ERLIN2: variants seen among roughly 807,000 people sequenced by gnomAD.
ERLIN2 encodes ER lipid raft associated 2, also known as erlin-2.
A neutral mutation model predicts 41.5 loss-of-function variants in ERLIN2; 22 were observed. That is an observed-to-expected ratio of 0.53 (90% CI 0.38 to 0.76). The LOEUF (loss-of-function observed/expected upper bound fraction) is 0.76. Among genes scored for constraint, ERLIN2 ranks in the 30% least tolerant of loss-of-function variants. ERLIN2 has a pLI of 0.00. For missense variants in ERLIN2, 247 were observed against 414.3 expected, an observed-to-expected ratio of 0.60 and a Z score of 3.51; for synonymous variants, 149 against 150.9, an observed-to-expected ratio of 0.99 and a Z score of 0.09.
At chr8:37,737,738 T>G in intron 1 of ERLIN2, 170 bp from the exon 2 acceptor site, 1 of 701,114 alleles carries the variant, frequency 1.4e-6, no homozygotes, top group South Asian at 1.8e-5. Flanking sequence ...AAGGGGAACG[T>G]TGACTGAGAA....
chr8:37,744,497 A>G, intron 5 of ERLIN2, 74 bp from the exon 6 acceptor site: 2 of 1,611,638 alleles, frequency 1.2e-6, no homozygotes, highest in South Asian at 2.2e-5. Context: ...CACCTTGGAA[A>G]AGGAGAGCTG....
At chr8:37,753,851 C>A in intron 11 of ERLIN2, 64 bp from the exon 12 acceptor site, 1 of 1,393,530 alleles carries the variant, frequency 7.2e-7, no homozygotes, top group Non-Finnish European at 1.0e-6. Flanking sequence ...TGAAGGGGCA[C>A]CACTCCCCTC....
chr8:37,750,974 C>T (rs1437606331), intron 9 of ERLIN2, among the ~76,000 whole-genome samples: 2 of 152,202 alleles, frequency 1.3e-5, no homozygotes, highest in Admixed American at 6.5e-5. Context: ...CCACCTCAGC[C>T]TCCCAAAGTG....
intron 9 of ERLIN2, 34 bp from the exon 10 acceptor site, chr8:37,751,592 G>T (rs1206172520): frequency 1.3e-6 from 2 of 1,561,966 alleles, no homozygotes; most frequent in Admixed American, 3.3e-5. Context: ...ACTCTGAAAT[G>T]CCAGAACCGT....
At chr8:37,743,200 C>A (rs113839487) in intron 4 of ERLIN2, among the ~76,000 whole-genome samples, 1 of 152,154 alleles carries the variant, frequency 6.6e-6, no homozygotes, top group East Asian at 1.9e-4. Flanking sequence ...TTGATTAGAA[C>A]CTGGTTCAAA....
intron 6 of ERLIN2, among the ~76,000 whole-genome samples, chr8:37,748,700 C>G (rs750862764): frequency 2.6e-5 from 4 of 152,184 alleles, no homozygotes; most frequent in Admixed American, 1.3e-4. Flanking sequence ...TGTACAAGTC[C>G]CAGCCTGATT....
intron 6 of ERLIN2, chr8:37,746,616 G>A: frequency 1.3e-6 from 1 of 790,272 alleles, no homozygotes; most frequent in South Asian, 5.8e-5. Flanking sequence ...TCCATGCAAG[G>A]AAGCAATACT....
At chr8:37,748,969 G>A (rs1213825572) in intron 6 of ERLIN2, among the ~76,000 whole-genome samples, 2 of 152,158 alleles carry the variant, frequency 1.3e-5, no homozygotes, top group Non-Finnish European at 2.9e-5. Flanking sequence ...AAAAGCCTGG[G>A]GCTCGCTTCC....
At position 37,741,926 on chromosome 8, in the gene ERLIN2, T is replaced by G; in HGVS notation, c.236+108T>G. 2.4e-6 allele frequency: 2 copies of G among 829,188 alleles called. No individual in the cohort carries two copies. The highest frequency in any genetic ancestry group is 4.2e-6 in the Non-Finnish European group (2 of 479,182). 51.4% of individuals were successfully genotyped at this position (829,188 alleles called of 1,614,324 possible). On this transcript the variant is annotated intron_variant, in intron 4 of 11. Transcript: ENST00000519638. The surrounding 1 kb of genome is among the most constrained non-coding windows in gnomAD (Gnocchi z 4.8). ...AAGGGAGGCACCCTTTCTTGGTTAATTCCCTGTCTCGTAGCTCCCTATATT... is the reference window on the plus strand; with the variant it reads ...AAGGGAGGCACCCTTTCTTGGTTAAGTCCCTGTCTCGTAGCTCCCTATATT...
rs140114699 is a variant in ERLIN2, at chr8:37,754,042, T to C, written c.947T>C (p.Phe316Ser). The C allele has an allele frequency of 4.4e-5, 71 of 1,614,020 alleles. No homozygotes were observed. The highest frequency in any genetic ancestry group is 1.6e-4 in the Middle Eastern group (1 of 6,084). ...MDSAGSVSKQ[F>S]EGLADKLSFG... ...TCTGCGGGCAGTGTGAGCAAGCAGT[T>C]TGAGGGGCTAGCTGACAAGCTAAGC... The change falls in exon 12 of 12, where the codon TTT becomes TCT. Residue 316 changes from phenylalanine to serine, a missense_variant. Physicochemically the swap from Phe to Ser is radical, Grantham distance 155. Coordinates refer to ENST00000519638, the MANE Select transcript of ERLIN2 (RefSeq NM_007175.8).
intron 2 of ERLIN2, among the ~76,000 whole-genome samples, chr8:37,739,073 G>C (rs1802762256): frequency 6.6e-6 from 1 of 151,848 alleles, no homozygotes; most frequent in South Asian, 2.1e-4. Context: ...TAAGTCTTGG[G>C]TTGCTTTCTT....
At chr8:37,751,796 C>T in intron 10 of ERLIN2, 81 bp downstream of exon 10, 1 of 1,027,138 alleles carries the variant, frequency 9.7e-7, no homozygotes, top group Non-Finnish European at 1.5e-6. Context: ...ATTGCCTTTG[C>T]CCTTTAACTG....
chr8:37,744,605 T>C lies in ERLIN2; in HGVS notation c.333T>C (p.Tyr111=), dbSNP rs549415141. Reference sequence around the variant, plus strand: ...TAGTGAAGAACTATACTGCTGACTATGACAAGGCCCTCATCTTCAACAAGA... The same window carrying C: ...TAGTGAAGAACTATACTGCTGACTACGACAAGGCCCTCATCTTCAACAAGA... ...YDIVKNYTAD[Y]DKALIFNKIH... The change falls in exon 6 of 12, where the codon TAT becomes TAC. Residue 111 remains tyrosine, a synonymous_variant. Transcript: ENST00000519638. 291 of 1,614,146 alleles carry C rather than the reference T, an allele frequency of 1.8e-4. 5 individuals are homozygous for C. In the South Asian group the frequency reaches 3.0e-3, roughly 17 times the overall value.
rs1336740449 is a variant in ERLIN2, at chr8:37,736,694, C to T, written c.-16+16C>T. On this transcript the variant is annotated intron_variant, in intron 1 of 11. Coordinates refer to ENST00000519638, the MANE Select transcript of ERLIN2 (RefSeq NM_007175.8). The stretch of plus-strand genomic sequence containing the variant: ...GGACAGCCTGGTACGCGGCCCCCGC[C>T]CCTTCGTGCGCGCGCTGGGCCTAGC... The T allele has an allele frequency of 1.0e-6, 1 of 985,538 alleles. No individual in the cohort carries two copies. The highest frequency in any genetic ancestry group is 1.2e-6 in the Non-Finnish European group (1 of 830,068). The allele number at this position is 985,538 out of a possible 1,614,324, so 61.0% of individuals were successfully genotyped here. A position where few individuals can be genotyped will look rare whatever the true frequency, so the allele number is the denominator to read the frequency against.
intron 11 of ERLIN2, 63 bp downstream of exon 11, chr8:37,753,592 G>A (rs1355525413): frequency 1.4e-6 from 2 of 1,469,328 alleles, no homozygotes; most frequent in African/African-American, 1.4e-5. Context: ...TTGCAGGAGA[G>A]TTTCCAGTGT....
In ERLIN2 at chr8:37,755,893, G is replaced by A. The variant is rs1803347734; in HGVS notation, c.*1778G>A. 6.6e-6 allele frequency: 1 copy of A among 152,294 alleles called. No homozygotes were observed. The highest frequency in any genetic ancestry group is 2.4e-5 in the African/African-American group (1 of 41,410). 9.4% of individuals were successfully genotyped at this position (152,294 alleles called of 1,614,324 possible). A position where few individuals can be genotyped will look rare whatever the true frequency, so the allele number is the denominator to read the frequency against. On this transcript the variant is annotated 3_prime_UTR_variant, in exon 12 of 12. Coordinates refer to ENST00000519638, the MANE Select transcript of ERLIN2 (RefSeq NM_007175.8). ...ATGTGCTCCAGAGTCCTTTCAGAAG[G>A]TGGTCATTTCCCTTGGCCGGGCGCG... is the stretch of plus-strand genomic sequence containing the variant.
At chr8:37,747,401 G>GTGGC (rs1414199971) in intron 6 of ERLIN2, 2 of 1,571,104 alleles carry the variant, frequency 1.3e-6, no homozygotes, top group Admixed American at 3.3e-5. Context: ...CATTCAGCCA[G>GTGGC]CTCTTGCAGT....
At chr8:37,742,578 C>T (rs1475864603) in intron 4 of ERLIN2, among the ~76,000 whole-genome samples, 1 of 152,146 alleles carries the variant, frequency 6.6e-6, no homozygotes, top group Non-Finnish European at 1.5e-5. Context: ...ACCACATGTT[C>T]TCACTTATAA....
intron 6 of ERLIN2, chr8:37,748,020 C>G (rs1170625560): frequency 6.2e-7 from 1 of 1,605,232 alleles, no homozygotes; most frequent in Non-Finnish European, 8.5e-7. Flanking sequence ...CCAGGAGCAA[C>G]CTGAAAAACT....
Sources: allele counts gnomAD v4.1 joint callset (sites outside exome capture counted in the v4.1 genomes callset), GRCh38; gene constraint gnomAD v4.1.1; non-coding constraint Gnocchi (gnomAD v3.1); transcripts MANE v1.5; gene names NCBI Gene and HGNC (gene_info 2026-07-23, HGNC 2026-07-21).